Variants in ENDOU observed in about 807,000 individuals in gnomAD.
The protein encoded by ENDOU is uridylate-specific endoribonuclease.
In ENDOU, 49 loss-of-function variants were observed where a neutral mutation model predicts 54.2. That is an observed-to-expected ratio of 0.90 (90% CI 0.72 to 1.15). The LOEUF is 1.15. Among genes scored for constraint, ENDOU ranks in the 50% most tolerant of loss-of-function variants. The pLI, the probability that ENDOU is intolerant of heterozygous loss-of-function variation, is 0.00. For missense variants in ENDOU, 458 were observed against 511.4 expected (o/e 0.90, Z 1.01); for synonymous variants, 172 against 190.5 (o/e 0.90, Z 0.80).
In ENDOU at chr12:47,717,666, A is replaced by C. The variant is rs772294632; in HGVS notation, c.245-11T>G. The C allele has an allele frequency of 6.2e-7, 1 of 1,613,624 alleles. No individual in the cohort carries two copies. Among genetic ancestry groups the C allele is most frequent in the South Asian group, 1.1e-5 (1 of 91,020 alleles). ...GTGCCGAGTACAAGTCTGAGAAGAG[A>C]GGGGTGGTGTGTCCCGGGCTGACCT... On this transcript the variant is annotated splice_polypyrimidine_tract_variant and intron_variant, in intron 3 of 9. Transcript: ENST00000422538.
intron 5 of ENDOU, 52 bp from the exon 6 acceptor site, chr12:47,716,551 A>T (rs755084651): frequency 1.3e-6 from 2 of 1,558,100 alleles, no homozygotes; most frequent in Non-Finnish European, 1.8e-6. Flanking sequence ...CAGGGCAGCG[A>T]CCCCTCCAGA....
intron 5 of ENDOU, 91 bp downstream of exon 5, chr12:47,716,799 G>C: frequency 7.5e-7 from 1 of 1,331,474 alleles, no homozygotes; most frequent in Non-Finnish European, 1.1e-6. Flanking sequence ...CTTTGATCGT[G>C]CCTGACTTGA....
rs537348354 is a variant in ENDOU at position 47,713,743 on chromosome 12, G to T, written c.752-355C>A. On this transcript the variant is annotated intron_variant, in intron 6 of 9. Transcript: ENST00000422538. ...AAAGGGCTGGCACATAAGTTGGCGG[G>T]GGGGGGGGGTCTTCTAGAAAGGAAC... Among the ~76,000 whole-genome samples the T allele has an allele frequency of 6.0e-4, 47 of 77,832 alleles. 3 individuals are homozygous for T. Among genetic ancestry groups the T allele is most frequent in the African/African-American group, 1.4e-3 (41 of 29,548 alleles). 51.1% of individuals were successfully genotyped at this position (77,832 alleles called of 152,430 possible). A position where few individuals can be genotyped will look rare whatever the true frequency, so the allele number is the denominator to read the frequency against.
intron 2 of ENDOU, 121 bp from the exon 3 acceptor site, chr12:47,718,315 A>G: frequency 1.3e-6 from 1 of 785,778 alleles, no homozygotes; most frequent in African/African-American, 1.7e-5. Flanking sequence ...CAAATTCTGA[A>G]CAGGGGCTGG....
At chr12:47,714,400 A>C (rs1352754385) in intron 6 of ENDOU, among the ~76,000 whole-genome samples, 1 of 152,250 alleles carries the variant, frequency 6.6e-6, no homozygotes, top group African/African-American at 2.4e-5. Context: ...TTAAAAAGGC[A>C]ATGGGGTGGT....
chr12:47,715,446 C>CA (rs1221469972), intron 6 of ENDOU, among the ~76,000 whole-genome samples: 3 of 152,212 alleles, frequency 2.0e-5, no homozygotes, highest in Non-Finnish European at 4.4e-5. Context: ...TCTAGACCTC[C>CA]AAGATTCTCT....
intron 9 of ENDOU, 34 bp downstream of exon 9, chr12:47,711,599 G>A (rs1292556980): frequency 1.9e-6 from 3 of 1,604,486 alleles, no homozygotes; most frequent in Admixed American, 1.7e-5. Flanking sequence ...TGCAGCCCCA[G>A]TCTGCCCCCA....
intron 6 of ENDOU, among the ~76,000 whole-genome samples, chr12:47,715,723 C>G (rs1940202334): frequency 2.0e-5 from 3 of 152,176 alleles, no homozygotes; most frequent in Admixed American, 2.0e-4. Context: ...GTCCTGCGGC[C>G]AAAATCTTTT....
At chr12:47,714,983 T>G (rs1055996334) in intron 6 of ENDOU, among the ~76,000 whole-genome samples, 1 of 152,232 alleles carries the variant, frequency 6.6e-6, no homozygotes, top group African/African-American at 2.4e-5. Flanking sequence ...TTCCCCTTAC[T>G]GAGCAAGGAC....
rs538560929 is a variant in ENDOU, at chr12:47,709,809, C to T, written c.*993G>A. On this transcript the variant is annotated 3_prime_UTR_variant, in exon 10 of 10. Transcript: ENST00000422538. ...ATAGTTCACACCCGGCTCTGTGGTACAGCATTTAGTTCTCAGTGGGGTTGG... is the reference window on the plus strand; with the variant it reads ...ATAGTTCACACCCGGCTCTGTGGTATAGCATTTAGTTCTCAGTGGGGTTGG... The T allele has an allele frequency of 2.6e-4, 40 of 152,346 alleles. No homozygotes were observed. Among genetic ancestry groups the T allele is most frequent in the Admixed American group, 9.1e-4 (14 of 15,304 alleles). The allele number at this position is 152,346 out of a possible 1,614,324, so 9.4% of individuals were successfully genotyped here.
At position 47,713,292 on chromosome 12, in the gene ENDOU, A is replaced by G. The variant is rs1209573960; in HGVS notation, c.848T>C (p.Phe283Ser). ...GCTCCCACCTGAGAAGACATGTTCA[A>G]AGCCACTCGAGTCCCCCTCTTCATT... ...RGNEEGDSSGFEHVFSGEVKK... is the reference protein window; with the variant it reads ...RGNEEGDSSGSEHVFSGEVKK... The change falls in exon 7 of 10, where the codon TTT becomes TCT. Residue 283 changes from phenylalanine (F) to serine (S), a missense_variant. Coordinates refer to ENST00000422538, the MANE Select transcript of ENDOU (RefSeq NM_001172439.2). The G allele has an allele frequency of 1.2e-6, 2 of 1,611,982 alleles. No homozygotes were observed. The highest frequency in any genetic ancestry group is 1.7e-4 in the Middle Eastern group (1 of 6,058).
Position 47,718,172 on chromosome 12 carries a change from TG to T in ENDOU, c.200del (p.Pro67HisfsTer70). 6.3e-7 allele frequency: 1 copy of T among 1,583,432 alleles called. No homozygotes were observed. Among genetic ancestry groups the T allele is most frequent in the Non-Finnish European group, 8.6e-7 (1 of 1,163,010 alleles). ...LCTEDHKESE[P>X]LPQLEEETEE... Reference sequence around the variant, plus strand: ...CTGTCTCTTCCTCCAGCTGTGGCAATGGCTCTGACTCTTTGTGGTCCTCTGC... The same window carrying T: ...CTGTCTCTTCCTCCAGCTGTGGCAATGCTCTGACTCTTTGTGGTCCTCTGC... On this transcript the variant is annotated frameshift_variant, in exon 3 of 10. Transcript: ENST00000422538. LOFTEE classifies it high-confidence loss of function.
At chr12:47,723,459 G>C (rs1409052193) in intron 1 of ENDOU, among the ~76,000 whole-genome samples, 1 of 152,158 alleles carries the variant, frequency 6.6e-6, no homozygotes, top group Non-Finnish European at 1.5e-5. Context: ...CCCAAGCCAG[G>C]TGCCTGAATC....
rs775648753 is a variant in ENDOU at position 47,720,835 on chromosome 12, A to G, written c.96T>C (p.Phe32=). ...CACACTGGCAGGCAGCGTCCCGGTT[A>G]AATTTCTCATTACATCGAGATGCAC... is the stretch of plus-strand genomic sequence containing the variant. The part of the protein sequence containing the change: ...ESCASRCNEK[F]NRDAACQCDR... The change falls in exon 2 of 10, where the codon TTT becomes TTC. Residue 32 remains phenylalanine (F), a synonymous_variant. Transcript: ENST00000422538. 14 of 1,536,112 alleles carry G rather than the reference A, an allele frequency of 9.1e-6. No homozygotes were observed. Among genetic ancestry groups the G allele is most frequent in the Non-Finnish European group, 1.2e-5 (14 of 1,146,886 alleles).
rs777266096 is a variant in ENDOU at position 47,709,796 on chromosome 12, C to T, written c.*1006G>A. 2 of 152,162 alleles carry T rather than the reference C, an allele frequency of 1.3e-5. No homozygotes were observed. Among genetic ancestry groups the T allele is most frequent in the Non-Finnish European group, 2.9e-5 (2 of 68,038 alleles). The allele number at this position is 152,162 out of a possible 1,614,324, so 9.4% of individuals were successfully genotyped here. On this transcript the variant is annotated 3_prime_UTR_variant, in exon 10 of 10. Transcript: ENST00000422538. ...AACCTTCTAAACCATAGTTCACACC[C>T]GGCTCTGTGGTACAGCATTTAGTTC...
chr12:47,710,898 T>TCA lies in ENDOU; in HGVS notation c.1136_1137insTG (p.Tyr380AspfsTer4). 1 of 1,613,450 alleles carries TCA rather than the reference T, an allele frequency of 6.2e-7. No individual in the cohort carries two copies. Among genetic ancestry groups the TCA allele is most frequent in the Non-Finnish European group, 8.5e-7 (1 of 1,179,504 alleles). ...TATATGTCCGGACAGCTAAGGGATA[T>TCA]CCTCCCAGGCTTAACTGGCACCTGT... On this transcript the variant is annotated frameshift_variant, in exon 10 of 10. Coordinates refer to ENST00000422538, the MANE Select transcript of ENDOU (RefSeq NM_001172439.2). LOFTEE classifies it high-confidence loss of function.
At chr12:47,717,940 C>T in intron 3 of ENDOU, 189 bp downstream of exon 3, 1 of 626,398 alleles carries the variant, frequency 1.6e-6, no homozygotes, top group Non-Finnish European at 2.8e-6. Context: ...TAGCTACCCT[C>T]CTCCCATGGC....
chr12:47,711,893 A>C, intron 8 of ENDOU, 118 bp from the exon 9 acceptor site: 1 of 1,135,892 alleles, frequency 8.8e-7, no homozygotes, highest in East Asian at 2.4e-5. Flanking sequence ...GCCTGTGTGA[A>C]CCTTCCAGGG....
Position 47,716,205 on chromosome 12 carries a change from C to T in ENDOU, c.751+95G>A, listed in dbSNP as rs374602980. ...ACTGACCTCCACAGAGTCCCCACCG[C>T]CTCCTCACCTGCCCTCCTAACCTTC... On this transcript the variant is annotated intron_variant, in intron 6 of 9. Transcript: ENST00000422538. The T allele has an allele frequency of 7.9e-5, 95 of 1,204,432 alleles. No homozygotes were observed. The East Asian group carries it at 1.3e-3, about 16-fold the overall frequency. The allele number at this position is 1,204,432 out of a possible 1,614,324, so 74.6% of individuals were successfully genotyped here.
Sources: gnomAD v4.1 joint callset for allele counts (sites outside exome capture counted in the v4.1 genomes callset) on GRCh38, gnomAD v4.1.1 for gene constraint, MANE v1.5 for transcripts, NCBI Gene and HGNC (gene_info 2026-07-23, HGNC 2026-07-21) for gene names.